Variants in PDE4D observed in about 807,000 individuals in gnomAD.
PDE4D encodes phosphodiesterase 4D.
In PDE4D, 24 loss-of-function variants were observed where a neutral mutation model predicts 87.4. That is an observed-to-expected ratio of 0.27 (90% CI 0.20 to 0.39). The LOEUF (loss-of-function observed/expected upper bound fraction) is 0.39, where lower values mean the gene tolerates loss of function less well. Ranked by LOEUF, PDE4D falls within the 10% of genes least tolerant of loss-of-function variation. PDE4D has a pLI of 1.00. For missense variants in PDE4D, 714 were observed against 1,041.0 expected (o/e 0.69, Z 4.32); for synonymous variants, 384 against 383.2 (o/e 1.00, Z -0.02).
At chr5:60,462,786 T>C (rs1230654904) in intron 1 of PDE4D, among the ~76,000 whole-genome samples, 3 of 152,212 alleles carry the variant, frequency 2.0e-5, no homozygotes, top group African/African-American at 4.8e-5. Flanking sequence ...TGCCATCCAT[T>C]GGCATCCAGC....
chr5:60,410,097 C>A (rs982063053), intron 1 of PDE4D, among the ~76,000 whole-genome samples: 2 of 152,192 alleles, frequency 1.3e-5, no homozygotes, highest in Non-Finnish European at 2.9e-5. Context: ...GCTCTTTGTT[C>A]CCTATGGCAA....
At chr5:58,990,597 AT>A (rs939650608) in intron 9 of PDE4D, among the ~76,000 whole-genome samples, 2 of 152,202 alleles carry the variant, frequency 1.3e-5, no homozygotes, top group African/African-American at 4.8e-5. Context: ...TGCAAAAAAA[AT>A]AACAAAATTG....
chr5:60,195,118 A>T (rs1353055610), intron 1 of PDE4D, among the ~76,000 whole-genome samples: 1 of 151,516 alleles, frequency 6.6e-6, no homozygotes, highest in Non-Finnish European at 1.5e-5. Flanking sequence ...TTGTTTGGGA[A>T]TGTCTTGCTT....
At chr5:59,780,089 C>T (rs192780063) in intron 1 of PDE4D, among the ~76,000 whole-genome samples, 195 of 152,204 alleles carry the variant, frequency 1.3e-3, no homozygotes, top group African/African-American at 4.6e-3. Flanking sequence ...GTGAGCCGGG[C>T]GCGGTGGCTC....
intron 3 of PDE4D, among the ~76,000 whole-genome samples, chr5:59,925,166 C>A (rs67634474): frequency 0.51 from 48,811 of 96,144 alleles, 10,480 homozygotes; most frequent in East Asian, 0.82. Context: ...CAGAGCGAGA[C>A]TGCATCTCAA....
At chr5:59,518,966 C>T (rs1432272852) in intron 1 of PDE4D, among the ~76,000 whole-genome samples, 1 of 152,180 alleles carries the variant, frequency 6.6e-6, no homozygotes, top group Non-Finnish European at 1.5e-5. Context: ...AGGCTACAGG[C>T]CGGTGTTATC....
At chr5:60,457,313 C>A (rs1746550768) in intron 1 of PDE4D, among the ~76,000 whole-genome samples, 1 of 152,164 alleles carries the variant, frequency 6.6e-6, no homozygotes, top group Non-Finnish European at 1.5e-5. Flanking sequence ...TCCCAAAAGT[C>A]TCATCTGCCA....
At position 59,570,670 on chromosome 5, in the gene PDE4D, C is replaced by T. The variant is rs142508160; in HGVS notation, c.455+322498G>A. On this transcript the variant is annotated intron_variant, in intron 1 of 14. Coordinates refer to ENST00000340635, the MANE Select transcript of PDE4D (RefSeq NM_001104631.2). The stretch of plus-strand genomic sequence containing the variant: ...GCAAAAAAAAAAAAATTGCAAAACT[C>T]CAAGAAAATCAAATAATGAATGCTA... Among the ~76,000 whole-genome samples, 562 of 151,696 alleles carry T rather than the reference C, an allele frequency of 3.7e-3. 7 individuals are homozygous for T. Among genetic ancestry groups the T allele is most frequent in the African/African-American group, 0.013 (536 of 41,346 alleles).
chr5:59,542,028 T>G (rs572656771), intron 1 of PDE4D, among the ~76,000 whole-genome samples: 4 of 152,278 alleles, frequency 2.6e-5, no homozygotes, highest in Middle Eastern at 3.4e-3. Flanking sequence ...CCCTTCTAGC[T>G]TTGGATCTCC....
rs78024654 is a variant in PDE4D at position 60,387,020 on chromosome 5, G to C, written c.-90+100922C>G. 2.4e-3 allele frequency among the ~76,000 whole-genome samples: 370 copies of C among 152,302 alleles called. 4 individuals carry two copies. Among genetic ancestry groups the C allele is most frequent in the African/African-American group, 8.6e-3 (359 of 41,568 alleles). On this transcript the variant is annotated intron_variant, in intron 1 of 16. Coordinates refer to the PDE4D transcript ENST00000502484. ...ATCCTTATAGTTTCCCAATGGGAAAGAAAAATAACCACAGTGGATCAGGTT... is the reference window on the plus strand; with the variant it reads ...ATCCTTATAGTTTCCCAATGGGAAACAAAAATAACCACAGTGGATCAGGTT...
chr5:59,920,826 C>A (rs1311523989), intron 3 of PDE4D, among the ~76,000 whole-genome samples: 4 of 130,028 alleles, frequency 3.1e-5, no homozygotes, highest in African/African-American at 6.0e-5. Context: ...CACTTGGACA[C>A]AGGAAGGGGA....
At position 60,315,418 on chromosome 5, in the gene PDE4D, T is replaced by A. The variant is rs1382870664; in HGVS notation, c.-89-129731A>T. Among the ~76,000 whole-genome samples the A allele has an allele frequency of 2.0e-5, 3 of 152,220 alleles. No individual in the cohort carries two copies. In the East Asian group the frequency reaches 5.8e-4, roughly 29 times the overall value. On this transcript the variant is annotated intron_variant, in intron 1 of 16. Coordinates refer to the PDE4D transcript ENST00000502484. ...GTCAGATGAGTAGATGGCAAAAATT[T>A]TCTCCCATTCTGTAGGTTGCCTGTT...
intron 1 of PDE4D, among the ~76,000 whole-genome samples, chr5:60,500,046 T>A (rs559728895): frequency 1.1e-4 from 16 of 152,090 alleles, no homozygotes; most frequent in Middle Eastern, 3.4e-3. Context: ...TGGTGGCTCA[T>A]ACCTCTAATC....
upstream of PDE4D, among the ~76,000 whole-genome samples, chr5:59,894,312 T>C (rs757532243): frequency 4.6e-5 from 7 of 152,212 alleles, no homozygotes; most frequent in Non-Finnish European, 1.0e-4. Flanking sequence ...TTGTTGACGA[T>C]GAGCCCCATG....
At chr5:59,432,771 G>A (rs1209225464) in intron 1 of PDE4D, among the ~76,000 whole-genome samples, 1 of 152,110 alleles carries the variant, frequency 6.6e-6, no homozygotes, top group African/African-American at 2.4e-5. Context: ...AGCTTAGAAA[G>A]GCTTTGCACA....
intron 1 of PDE4D, among the ~76,000 whole-genome samples, chr5:59,742,454 T>G (rs970067572): frequency 1.3e-5 from 2 of 152,212 alleles, no homozygotes; most frequent in Admixed American, 1.3e-4. Flanking sequence ...TATTCATGCA[T>G]GTTATTTATT....
chr5:59,655,713 C>T (rs1744243060), intron 1 of PDE4D, among the ~76,000 whole-genome samples: 2 of 152,128 alleles, frequency 1.3e-5, no homozygotes, highest in African/African-American at 4.8e-5. Flanking sequence ...GCTTTTCTGG[C>T]CCAACCAGAA....
intron 11 of PDE4D, among the ~76,000 whole-genome samples, chr5:58,984,944 C>T (rs773625690): frequency 2.0e-5 from 3 of 152,112 alleles, no homozygotes; most frequent in Non-Finnish European, 4.4e-5. Flanking sequence ...TGGAGTTTCA[C>T]TCTTGTCCAG....
At chr5:60,027,694 C>T (rs1216962955) in intron 2 of PDE4D, among the ~76,000 whole-genome samples, 1 of 152,212 alleles carries the variant, frequency 6.6e-6, no homozygotes, top group South Asian at 2.1e-4. Flanking sequence ...GTGTCTGATG[C>T]ATGCTGGACA....
Sources: allele counts gnomAD v4.1 joint callset (sites outside exome capture counted in the v4.1 genomes callset), GRCh38; gene constraint gnomAD v4.1.1; transcripts MANE v1.5; gene names NCBI Gene and HGNC (gene_info 2026-07-23, HGNC 2026-07-21).